Variants in SLC24A2 observed in about 807,000 individuals in gnomAD.
SLC24A2 encodes the protein solute carrier family 24 member 2.
SLC24A2 carries 36 observed loss-of-function variants against 62.0 expected under a neutral mutation model. The observed-to-expected ratio is 0.58, with a 90% CI of 0.44 to 0.77. The LOEUF (loss-of-function observed/expected upper bound fraction) is 0.77, where lower values mean the gene tolerates loss of function less well. Among genes scored for constraint, SLC24A2 ranks in the 30% least tolerant of loss-of-function variants. The pLI is 0.00. For missense variants in SLC24A2, 846 were observed against 817.9 expected, an observed-to-expected ratio of 1.03 and a Z score of -0.42; for synonymous variants, 358 against 294.0, an observed-to-expected ratio of 1.22 and a Z score of -2.23.
chr9:19,783,306 T>A (rs1220256838), intron 2 of SLC24A2, among the ~76,000 whole-genome samples: 1 of 152,206 alleles, frequency 6.6e-6, no homozygotes, highest in Admixed American at 6.5e-5. Flanking sequence ...TCCCATAATT[T>A]TGCAAACAGG....
At chr9:19,608,239 CCA>C (rs1365732993) in intron 4 of SLC24A2, among the ~76,000 whole-genome samples, 1 of 151,992 alleles carries the variant, frequency 6.6e-6, no homozygotes, top group Non-Finnish European at 1.5e-5. Context: ...GACACCTTCT[CCA>C]CTTTTTGGAT....
At chr9:19,723,512 T>G (rs1821086989) in intron 2 of SLC24A2, among the ~76,000 whole-genome samples, 3 of 152,190 alleles carry the variant, frequency 2.0e-5, no homozygotes, top group Admixed American at 2.0e-4. Context: ...CCATAAGCTG[T>G]GTCTTTCATC....
At chr9:19,668,769 A>G (rs1031150611) in intron 2 of SLC24A2, among the ~76,000 whole-genome samples, 10 of 152,204 alleles carry the variant, frequency 6.6e-5, no homozygotes, top group Admixed American at 4.6e-4. Flanking sequence ...GGCCTCCACC[A>G]TATTCTAGCT....
intron 2 of SLC24A2, among the ~76,000 whole-genome samples, chr9:19,642,662 G>C (rs1267884344): frequency 1.4e-5 from 2 of 146,686 alleles, no homozygotes; most frequent in Non-Finnish European, 3.0e-5. Flanking sequence ...GTTTATATGA[G>C]AGCGTATTCT....
At chr9:19,535,234 T>G (rs758145963) in intron 8 of SLC24A2, among the ~76,000 whole-genome samples, 7 of 152,184 alleles carry the variant, frequency 4.6e-5, no homozygotes, top group Non-Finnish European at 7.3e-5. Flanking sequence ...TTAAGTTCTT[T>G]GAAGATTCTG....
At chr9:19,852,391 GC>G in the SLC24A2 span, among the ~76,000 whole-genome samples, 1 of 152,070 alleles carries the variant, frequency 6.6e-6, no homozygotes, top group Non-Finnish European at 1.5e-5. Flanking sequence ...TGAAATCTTT[GC>G]CCATGCCTAT....
At chr9:19,568,928 A>T (rs183982220) in intron 7 of SLC24A2, among the ~76,000 whole-genome samples, 1 of 152,180 alleles carries the variant, frequency 6.6e-6, no homozygotes, top group Non-Finnish European at 1.5e-5. Flanking sequence ...GCAAATGTTT[A>T]TATGCTATTT....
upstream of SLC24A2, among the ~76,000 whole-genome samples, chr9:19,790,789 T>G (rs1003512928): frequency 1.3e-5 from 2 of 152,208 alleles, no homozygotes; most frequent in Non-Finnish European, 2.9e-5. Flanking sequence ...TTTCCTAGTT[T>G]AACAATCCTA....
intron 4 of SLC24A2, among the ~76,000 whole-genome samples, chr9:19,601,649 ATTT>A (rs34887330): frequency 6.6e-6 from 1 of 151,006 alleles, no homozygotes; most frequent in African/African-American, 2.4e-5. Flanking sequence ...CTGTTAGAAT[ATTT>A]TTTTTTTTCC....
intron 2 of SLC24A2, among the ~76,000 whole-genome samples, chr9:19,657,172 G>A (rs1427729586): frequency 6.6e-6 from 1 of 152,124 alleles, no homozygotes; most frequent in African/African-American, 2.4e-5. Context: ...ACAGATGCCC[G>A]GCTATGACCT....
At chr9:20,307,207 T>G in the SLC24A2 span, among the ~76,000 whole-genome samples, 18 of 152,174 alleles carry the variant, frequency 1.2e-4, no homozygotes, top group African/African-American at 4.3e-4. Context: ...CAATTATTAT[T>G]AAATTCTAGC....
At chr9:20,165,919 G>T in the SLC24A2 span, among the ~76,000 whole-genome samples, 1 of 151,828 alleles carries the variant, frequency 6.6e-6, no homozygotes, top group African/African-American at 2.4e-5. Flanking sequence ...AATGTATAAA[G>T]AGCTTTTTTA....
the SLC24A2 span, among the ~76,000 whole-genome samples, chr9:20,295,400 G>A: frequency 1.3e-5 from 2 of 152,156 alleles, no homozygotes; most frequent in African/African-American, 4.8e-5. Context: ...AGGGTGCCAA[G>A]TGGACAAGGA....
intron 10 of SLC24A2, among the ~76,000 whole-genome samples, chr9:19,516,868 A>C (rs1832954735): frequency 6.6e-6 from 1 of 152,202 alleles, no homozygotes. Flanking sequence ...GCAATGACTT[A>C]ATAGTCTAAA....
the SLC24A2 span, among the ~76,000 whole-genome samples, chr9:20,290,312 C>A: frequency 6.6e-6 from 1 of 152,216 alleles, no homozygotes; most frequent in Non-Finnish European, 1.5e-5. Context: ...GCACAGCATT[C>A]CCTGCATACC....
chr9:19,660,722 T>G (rs746420150), intron 2 of SLC24A2, among the ~76,000 whole-genome samples: 2 of 152,170 alleles, frequency 1.3e-5, no homozygotes, highest in Non-Finnish European at 2.9e-5. Flanking sequence ...GAGACTCCAT[T>G]TTTCCTCTTA....
At chr9:20,298,862 C>T in the SLC24A2 span, among the ~76,000 whole-genome samples, 1 of 152,136 alleles carries the variant, frequency 6.6e-6, no homozygotes, top group African/African-American at 2.4e-5. Flanking sequence ...CTTTGCCCTT[C>T]TCCTTACTAG....
the SLC24A2 span, among the ~76,000 whole-genome samples, chr9:20,098,420 T>C: frequency 6.6e-6 from 1 of 152,204 alleles, no homozygotes; most frequent in Admixed American, 6.5e-5. Context: ...TCAAGATAGA[T>C]ACTAAGAAAT....
At chr9:20,232,647 T>C in the SLC24A2 span, among the ~76,000 whole-genome samples, 1 of 152,244 alleles carries the variant, frequency 6.6e-6, no homozygotes, top group Non-Finnish European at 1.5e-5. Context: ...TTAGTCTTGC[T>C]AGCGGTCTAT....
Sources: allele counts gnomAD v4.1 joint callset (sites outside exome capture counted in the v4.1 genomes callset), GRCh38; gene constraint gnomAD v4.1.1; transcripts MANE v1.5; gene names NCBI Gene and HGNC (gene_info 2026-07-23, HGNC 2026-07-21).